FBN3: variants seen among roughly 807,000 people sequenced by gnomAD.
The protein encoded by FBN3 is fibrillin-3.
In FBN3, 234 loss-of-function variants were observed where a neutral mutation model predicts 330.1. That is an observed-to-expected ratio of 0.71 (90% CI 0.64 to 0.79). The LOEUF (loss-of-function observed/expected upper bound fraction) is 0.79, where lower values mean the gene tolerates loss of function less well. Among genes scored for constraint, FBN3 ranks in the 30% least tolerant of loss-of-function variants. The pLI is 0.00. For synonymous variants in FBN3, 1,458 were observed against 1,517.3 expected, an observed-to-expected ratio of 0.96 and a Z score of 0.91; for missense variants, 3,606 against 3,886.9, an observed-to-expected ratio of 0.93 and a Z score of 1.92.
At chr19:8,125,535 A>C (rs1158253144) in intron 22 of FBN3, among the ~76,000 whole-genome samples, 1 of 152,172 alleles carries the variant, frequency 6.6e-6, no homozygotes, top group Non-Finnish European at 1.5e-5. Context: ...TCACGCCTGT[A>C]ATCCCAACAC....
intron 23 of FBN3, 39 bp from the exon 24 acceptor site, chr19:8,123,628 A>G: frequency 1.2e-6 from 2 of 1,611,278 alleles, no homozygotes; most frequent in South Asian, 2.2e-5. Context: ...GACGTCCCCA[A>G]GCTCAGGATC....
chr19:8,123,386 G>A, intron 24 of FBN3, 78 bp downstream of exon 24: 1 of 1,431,740 alleles, frequency 7.0e-7, no homozygotes, highest in Non-Finnish European at 9.6e-7. Flanking sequence ...AAGAACAGGT[G>A]TTGTCTCTAC....
chr19:8,074,418 C>T (rs909244265), intron 61 of FBN3, among the ~76,000 whole-genome samples: 2 of 152,108 alleles, frequency 1.3e-5, no homozygotes, highest in Admixed American at 1.3e-4. Flanking sequence ...AGCCACATCA[C>T]AAAGGCCACA....
intron 34 of FBN3, among the ~76,000 whole-genome samples, chr19:8,110,606 G>C (rs1031644112): frequency 2.0e-5 from 3 of 152,212 alleles, no homozygotes; most frequent in Non-Finnish European, 2.9e-5. Flanking sequence ...AAAACACACA[G>C]AGGTAGGAGA....
intron 18 of FBN3, among the ~76,000 whole-genome samples, chr19:8,127,614 C>T (rs1388059828): frequency 6.6e-6 from 1 of 152,214 alleles, no homozygotes; most frequent in Non-Finnish European, 1.5e-5. Flanking sequence ...CTGCCTTCTC[C>T]TCGGGCTTGA....
Position 8,147,335 on chromosome 19 carries a change from C to T in FBN3, c.146G>A (p.Gly49Asp). The T allele has an allele frequency of 6.3e-7, 1 of 1,597,722 alleles. No homozygotes were observed. The highest frequency in any genetic ancestry group is 8.5e-7 in the Non-Finnish European group (1 of 1,174,272). The change falls in exon 2 of 64, where the codon GGC becomes GAC. Residue 49 changes from glycine (G) to aspartate (D), a missense_variant. Gly to Asp is a moderately conservative substitution (Grantham distance 94). Coordinates refer to ENST00000600128, the MANE Select transcript of FBN3 (RefSeq NM_032447.5). ...GCACCCCTGCAAGATGCCTGGGCTGCCCCGCCTCCGCACACGTCCAGGACC... is the reference window on the plus strand; with the variant it reads ...GCACCCCTGCAAGATGCCTGGGCTGTCCCGCCTCCGCACACGTCCAGGACC... The part of the protein sequence containing the change: ...AAGPGRVRRR[G>D]SPGILQGPNV...
chr19:8,091,224 A>G (rs2082087850), intron 48 of FBN3, among the ~76,000 whole-genome samples: 1 of 152,178 alleles, frequency 6.6e-6, no homozygotes, highest in African/African-American at 2.4e-5. Context: ...TGACCAATAC[A>G]AGGAAAACCT....
At chr19:8,086,144 A>G in intron 55 of FBN3, 56 bp downstream of exon 55, 2 of 1,492,980 alleles carry the variant, frequency 1.3e-6, no homozygotes, top group Non-Finnish European at 1.8e-6. Flanking sequence ...GGGGACAGGC[A>G]GTGGGTGCCA....
At chr19:8,092,707 C>CAAAAAAAAA (rs33973797) in intron 47 of FBN3, among the ~76,000 whole-genome samples, 1 of 70,156 alleles carries the variant, frequency 1.4e-5, no homozygotes, top group Non-Finnish European at 2.7e-5. Context: ...GAGACTCCAC[C>CAAAAAAAAA]AAAAAAAAAA....
chr19:8,128,953 C>T (rs1460776121), intron 18 of FBN3, 75 bp downstream of exon 18: 22 of 1,532,346 alleles, frequency 1.4e-5, no homozygotes, highest in South Asian at 5.0e-5. Context: ...CATGCCTGTG[C>T]GTGCACACGC....
At position 8,130,611 on chromosome 19, in the gene FBN3, A is replaced by G. The variant is rs371666740; in HGVS notation, c.2044+624T>C. Among the ~76,000 whole-genome samples the G allele has an allele frequency of 8.4e-3, 130 of 15,462 alleles. 26 individuals carry two copies. The highest frequency in any genetic ancestry group is 0.01 in the Admixed American group (24 of 2,318). 10.1% of individuals were successfully genotyped at this position (15,462 alleles called of 152,430 possible). A position where few individuals can be genotyped will look rare whatever the true frequency, so the allele number is the denominator to read the frequency against. On this transcript the variant is annotated intron_variant, in intron 16 of 63. Coordinates refer to ENST00000600128, the MANE Select transcript of FBN3 (RefSeq NM_032447.5). ...AAGAAAGAAAGAAAGAAAGAAAGAA[A>G]GAAAGAAAGAAAGAAAGAAAGAAAG... is the stretch of plus-strand genomic sequence containing the variant.
intron 18 of FBN3, 83 bp from the exon 19 acceptor site, chr19:8,126,915 G>T: frequency 6.8e-7 from 1 of 1,469,528 alleles, no homozygotes. Flanking sequence ...CCAAGGGGCC[G>T]CCGCAACCGG....
Position 8,138,196 on chromosome 19 carries a change from G to A in FBN3, c.1146C>T (p.Pro382=). Residue 382 remains proline, a synonymous_variant, in exon 10 of 64, where the codon CCC becomes CCT. Coordinates refer to ENST00000600128, the MANE Select transcript of FBN3 (RefSeq NM_032447.5). ...GGATCCCACGCGCATCAGAGCCATGGGGGTTGAGTCGCGCTGGCCCAAGAG... is the reference window on the plus strand; with the variant it reads ...GGATCCCACGCGCATCAGAGCCATGAGGGTTGAGTCGCGCTGGCCCAAGAG... ...GPPLGPARLN[P]HGSDARGIPS... 1 of 1,613,068 alleles carries A rather than the reference G, an allele frequency of 6.2e-7. No homozygotes were observed. The highest frequency in any genetic ancestry group is 8.5e-7 in the Non-Finnish European group (1 of 1,179,680).
At chr19:8,102,632 G>GATT in intron 40 of FBN3, 92 bp downstream of exon 40, 3 of 1,282,086 alleles carry the variant, frequency 2.3e-6, no homozygotes, top group Non-Finnish European at 3.3e-6. Flanking sequence ...GAACAAGGAG[G>GATT]ATTAATCTAA....
Position 8,131,584 on chromosome 19 carries a change from G to T in FBN3, c.1960C>A (p.Pro654Thr), listed in dbSNP as rs367930384. Residue 654 changes from proline to threonine, a missense_variant, in exon 15 of 64, where the codon CCC becomes ACC. Pro to Thr is a conservative substitution (Grantham distance 38, BLOSUM62 -1). Transcript: ENST00000600128. This position sits in a 1 kb window ranked among gnomAD's most constrained non-coding sequence, Gnocchi z 4.5. ...CANPDHGFGE[P>T]CQLCPAKDSA... ...TCTTTGGCAGGACAAAGCTGGCAGGGCTCCCCAAAACCGTGGTCCGGATTG... is the reference window on the plus strand; with the variant it reads ...TCTTTGGCAGGACAAAGCTGGCAGGTCTCCCCAAAACCGTGGTCCGGATTG... 1 of 1,611,622 alleles carries T rather than the reference G, an allele frequency of 6.2e-7. No homozygotes were observed. Among genetic ancestry groups the T allele is most frequent in the South Asian group, 1.1e-5 (1 of 90,914 alleles).
intron 48 of FBN3, 121 bp downstream of exon 48, chr19:8,091,344 A>C: frequency 1.5e-6 from 2 of 1,322,792 alleles, no homozygotes; most frequent in Non-Finnish European, 2.1e-6. Context: ...GCAAACAGAC[A>C]CCTCTGCCTG....
rs913203149 is a variant in FBN3 at position 8,145,699 on chromosome 19, A to G, written c.445+144T>C. The G allele has an allele frequency of 1.1e-3, 605 of 546,960 alleles. 4 individuals carry two copies. The highest frequency in any genetic ancestry group is 0.01 in the African/African-American group (476 of 45,904). 33.9% of individuals were successfully genotyped at this position (546,960 alleles called of 1,614,324 possible). ...CTGTCTCAAAAAAAAAAAAAAAAAA[A>G]AGAGACTGTGGCAATAAACGTCCCC... On this transcript the variant is annotated intron_variant, in intron 5 of 63. Coordinates refer to ENST00000600128, the MANE Select transcript of FBN3 (RefSeq NM_032447.5).
Position 8,145,758 on chromosome 19 carries a change from G to T in FBN3, c.445+85C>A. Reference sequence around the variant, plus strand: ...CCAGTCCAGGAAGAAGGAACCCTGGGCAGTGGGCAGGTGGCAGCAGAGACT... The same window carrying T: ...CCAGTCCAGGAAGAAGGAACCCTGGTCAGTGGGCAGGTGGCAGCAGAGACT... On this transcript the variant is annotated intron_variant, in intron 5 of 63. Coordinates refer to ENST00000600128, the MANE Select transcript of FBN3 (RefSeq NM_032447.5). The T allele has an allele frequency of 1.1e-5, 11 of 977,426 alleles. No individual in the cohort carries two copies. The South Asian group carries it at 1.5e-4, about 13-fold the overall frequency. 60.5% of individuals were successfully genotyped at this position (977,426 alleles called of 1,614,324 possible).
At chr19:8,077,694 G>T (rs768206982) in intron 59 of FBN3, among the ~76,000 whole-genome samples, 6 of 151,890 alleles carry the variant, frequency 4.0e-5, no homozygotes, top group Admixed American at 3.9e-4. Flanking sequence ...AACAGACATG[G>T]GAACATGAAG....
Sources: gnomAD v4.1 joint callset for allele counts (sites outside exome capture counted in the v4.1 genomes callset) on GRCh38, gnomAD v4.1.1 for gene constraint, Gnocchi (gnomAD v3.1) non-coding constraint, MANE v1.5 for transcripts, NCBI Gene and HGNC (gene_info 2026-07-23, HGNC 2026-07-21) for gene names.